CSMD3: variants seen among roughly 807,000 people sequenced by gnomAD.
CSMD3 encodes the protein CUB and Sushi multiple domains 3.
Under a neutral mutation model 435.2 loss-of-function variants are expected in CSMD3, and 177 were observed. The ratio of observed to expected loss-of-function variants is 0.41; its 90% CI spans 0.36 to 0.46. The LOEUF is 0.46. CSMD3 is among the 20% of genes least tolerant of loss of function. The pLI is 0.34. For missense variants in CSMD3, 4,265 were observed against 4,504.6 expected, an observed-to-expected ratio of 0.95 and a Z score of 1.52; for synonymous variants, 1,656 against 1,520.5, an observed-to-expected ratio of 1.09 and a Z score of -2.07.
chr8:112,550,780 A>G lies in CSMD3; in HGVS notation c.4455T>C (p.Ile1485=). 1 of 1,604,508 alleles carries G rather than the reference A, an allele frequency of 6.2e-7. No individual in the cohort carries two copies. The highest frequency in any genetic ancestry group is 8.5e-7 in the Non-Finnish European group (1 of 1,171,628). ...TTCCTTCAGGAATAAGAGATCCACTAATTTCCTTTAAAAGCATATCATTTT... is the reference window on the plus strand; with the variant it reads ...TTCCTTCAGGAATAAGAGATCCACTGATTTCCTTTAAAAGCATATCATTTT... ...PPENDMLLKE[I]SGSLIPEGIH... The change falls in exon 27 of 71, where the codon ATT becomes ATC. Residue 1485 remains isoleucine (I), a synonymous_variant. Transcript: ENST00000297405.
At chr8:112,483,467 A>T (rs752238901) in intron 31 of CSMD3, among the ~76,000 whole-genome samples, 1 of 152,172 alleles carries the variant, frequency 6.6e-6, no homozygotes, top group Non-Finnish European at 1.5e-5. Context: ...TAGGCAACAG[A>T]GTGAGACTCC....
At chr8:112,539,617 AT>A (rs1428644948) in intron 27 of CSMD3, among the ~76,000 whole-genome samples, 1 of 152,114 alleles carries the variant, frequency 6.6e-6, no homozygotes, top group Non-Finnish European at 1.5e-5. Context: ...AAATAAATCC[AT>A]ACATCTACAG....
At chr8:113,301,435 T>A (rs538652152) in intron 2 of CSMD3, among the ~76,000 whole-genome samples, 4 of 152,196 alleles carry the variant, frequency 2.6e-5, no homozygotes, top group South Asian at 2.1e-4. Context: ...TTCATTTTTT[T>A]AAATAATCAC....
At chr8:113,071,540 C>A (rs1005421868) in intron 5 of CSMD3, among the ~76,000 whole-genome samples, 4 of 151,472 alleles carry the variant, frequency 2.6e-5, no homozygotes, top group Admixed American at 1.3e-4. Flanking sequence ...CGTGTAGATA[C>A]ATTTTTTTAT....
chr8:113,135,297 T>C (rs2091389245), intron 4 of CSMD3, among the ~76,000 whole-genome samples: 1 of 151,944 alleles, frequency 6.6e-6, no homozygotes, highest in Non-Finnish European at 1.5e-5. Flanking sequence ...TAAAAATTAT[T>C]TCAGTTTAGA....
intron 24 of CSMD3, among the ~76,000 whole-genome samples, chr8:112,560,521 A>G: frequency 6.6e-6 from 1 of 151,716 alleles, no homozygotes. Context: ...AGAAACTGAA[A>G]TTTGAGAGAC....
At chr8:113,322,588 C>T (rs1279317069) in intron 1 of CSMD3, among the ~76,000 whole-genome samples, 1 of 152,048 alleles carries the variant, frequency 6.6e-6, no homozygotes, top group Non-Finnish European at 1.5e-5. Context: ...TAAAGCTTAG[C>T]ATTTACATAT....
At chr8:112,631,915 G>A (rs374666770) in intron 22 of CSMD3, among the ~76,000 whole-genome samples, 11 of 151,856 alleles carry the variant, frequency 7.2e-5, no homozygotes, top group African/African-American at 2.7e-4. Flanking sequence ...TAAACTCTAC[G>A]ATCAATCTAA....
Position 112,492,543 on chromosome 8 carries a change from T to A in CSMD3, c.5224A>T (p.Ile1742Phe). The change falls in exon 31 of 71, where the codon ATC (isoleucine) becomes TTC (phenylalanine). Residue 1742 changes from isoleucine (I) to phenylalanine (F), a missense_variant. Coordinates refer to ENST00000297405, the MANE Select transcript of CSMD3 (RefSeq NM_198123.2). Reference protein sequence around the residue: ...VLQGYSTLTCIMGDDGRPGWN... With the variant: ...VLQGYSTLTCFMGDDGRPGWN... ...CCAGGTCTTCCATCATCTCCCATGA[T>A]ACAGGTGAGTGTTGAATAACCTTGA... is the stretch of plus-strand genomic sequence containing the variant. The A allele has an allele frequency of 6.2e-7, 1 of 1,613,996 alleles. No homozygotes were observed. The highest frequency in any genetic ancestry group is 8.5e-7 in the Non-Finnish European group (1 of 1,179,882).
chr8:112,556,824 G>C lies in CSMD3; in HGVS notation c.4173C>G (p.Ser1391Arg), dbSNP rs767071571. 11 of 1,612,418 alleles carry C rather than the reference G, an allele frequency of 6.8e-6. No homozygotes were observed. Among genetic ancestry groups the C allele is most frequent in the Admixed American group, 5.0e-5 (3 of 59,778 alleles). The change falls in exon 25 of 71, where the codon AGC (serine) becomes AGG (arginine). Residue 1391 changes from serine to arginine, a missense_variant. Ser to Arg is a moderately radical substitution (Grantham distance 110, BLOSUM62 -1). This residue lies in a region of CSMD3 where 3,255 missense variants were observed against 3,380.2 expected (regional missense o/e 0.96). Coordinates refer to ENST00000297405, the MANE Select transcript of CSMD3 (RefSeq NM_198123.2). Reference sequence around the variant, plus strand: ...TCTCCCCTGTCATGCACTTGAGAAGGCTACTTCCGTGGAGAGTGTAGCCTG... The same window carrying C: ...TCTCCCCTGTCATGCACTTGAGAAGCCTACTTCCGTGGAGAGTGTAGCCTG... Reference protein sequence around the residue: ...CNPGYTLHGSSLLKCMTGERR... With the variant: ...CNPGYTLHGSRLLKCMTGERR...
chr8:112,497,354 G>C (rs1287389529), intron 30 of CSMD3, among the ~76,000 whole-genome samples: 1 of 151,724 alleles, frequency 6.6e-6, no homozygotes, highest in South Asian at 2.1e-4. Context: ...GTAACTAAAA[G>C]CGTATAATTG....
chr8:112,475,754 A>G (rs1342468998), intron 31 of CSMD3, among the ~76,000 whole-genome samples: 1 of 152,116 alleles, frequency 6.6e-6, no homozygotes, highest in Non-Finnish European at 1.5e-5. Flanking sequence ...GAAGCTTTTT[A>G]TATTCTTACT....
chr8:113,242,375 C>T (rs2093228683), intron 3 of CSMD3, among the ~76,000 whole-genome samples: 1 of 151,954 alleles, frequency 6.6e-6, no homozygotes, highest in Admixed American at 6.6e-5. Context: ...CAACTTATTG[C>T]AACCTAATAG....
intron 32 of CSMD3, among the ~76,000 whole-genome samples, chr8:112,427,744 A>T (rs529701195): frequency 6.6e-6 from 1 of 152,150 alleles, no homozygotes; most frequent in Admixed American, 6.6e-5. Flanking sequence ...TCTTTCCATC[A>T]GCTTCATACA....
intron 17 of CSMD3, among the ~76,000 whole-genome samples, chr8:112,658,959 GA>G (rs1040324550): frequency 6.1e-5 from 9 of 146,580 alleles, no homozygotes; most frequent in African/African-American, 1.5e-4. Context: ...TGTCTCAAAA[GA>G]AAAAAAAAAG....
Position 112,878,443 on chromosome 8 carries a change from T to C in CSMD3, c.1634-19177A>G, listed in dbSNP as rs149300724. On this transcript the variant is annotated intron_variant, in intron 10 of 70. Coordinates refer to ENST00000297405, the MANE Select transcript of CSMD3 (RefSeq NM_198123.2). ...AGATGCTGGAGAGGATGTGGAGAAA[T>C]AGGAACACTTTTACACTGTTGGTGG... 3.8e-3 allele frequency among the ~76,000 whole-genome samples: 584 copies of C among 152,184 alleles called. 1 individual carries two copies. Among genetic ancestry groups the C allele is most frequent in the African/African-American group, 0.013 (559 of 41,542 alleles).
chr8:113,266,894 A>G (rs1011947977), intron 3 of CSMD3, among the ~76,000 whole-genome samples: 1 of 151,704 alleles, frequency 6.6e-6, no homozygotes, highest in Non-Finnish European at 1.5e-5. Flanking sequence ...GAACTCAAAC[A>G]ACACAACAGG....
intron 3 of CSMD3, among the ~76,000 whole-genome samples, chr8:113,277,151 A>T (rs572385447): frequency 6.0e-4 from 92 of 152,154 alleles, no homozygotes; most frequent in Admixed American, 2.0e-3. Context: ...AAATAATTGC[A>T]TTACTAACTT....
intron 13 of CSMD3, among the ~76,000 whole-genome samples, chr8:112,690,952 C>T (rs994397228): frequency 2.0e-5 from 3 of 152,052 alleles, no homozygotes; most frequent in African/African-American, 7.2e-5. Flanking sequence ...AATATCGACA[C>T]ATTGCTAGTT....
Sources: gnomAD v4.1 joint callset for allele counts (sites outside exome capture counted in the v4.1 genomes callset) on GRCh38, gnomAD v4.1.1 for gene constraint, gnomAD v4.1.1 regional missense constraint, MANE v1.5 for transcripts, NCBI Gene and HGNC (gene_info 2026-07-23, HGNC 2026-07-21) for gene names.